Variants in SEMA3D observed in about 807,000 individuals in gnomAD.
The protein encoded by SEMA3D is semaphorin-3D.
In SEMA3D, 84 loss-of-function variants were observed where a neutral mutation model predicts 100.1. The ratio of observed to expected loss-of-function variants is 0.84; its 90% CI spans 0.70 to 1.01. The LOEUF (loss-of-function observed/expected upper bound fraction) is 1.01. Ranked by LOEUF, SEMA3D falls within the 50% of genes least tolerant of loss-of-function variation. The pLI is 0.00. For missense variants in SEMA3D, 875 were observed against 934.1 expected (o/e 0.94, Z 0.82); for synonymous variants, 312 against 320.7 (o/e 0.97, Z 0.29).
the SEMA3D span, among the ~76,000 whole-genome samples, chr7:85,192,583 G>A: frequency 2.0e-5 from 3 of 152,018 alleles, no homozygotes; most frequent in South Asian, 2.1e-4. Context: ...CCAATTTAAC[G>A]TCGGAGCTAC....
At chr7:85,247,829 C>G in the SEMA3D span, among the ~76,000 whole-genome samples, 1 of 152,084 alleles carries the variant, frequency 6.6e-6, no homozygotes, top group African/African-American at 2.4e-5. Context: ...TATGCAAGAA[C>G]AGCTGGATAT....
intron 3 of SEMA3D, among the ~76,000 whole-genome samples, chr7:85,113,189 C>A (rs1789139544): frequency 6.6e-6 from 1 of 152,050 alleles, no homozygotes. Flanking sequence ...TATGAGAAGC[C>A]CAATTTGTAG....
chr7:85,127,908 T>C (rs2116423435), intron 2 of SEMA3D, among the ~76,000 whole-genome samples: 1 of 152,180 alleles, frequency 6.6e-6, no homozygotes, highest in East Asian at 1.9e-4. Context: ...TAATATGCTT[T>C]TGGATAATTG....
the SEMA3D span, among the ~76,000 whole-genome samples, chr7:85,203,042 G>A: frequency 6.6e-6 from 1 of 152,144 alleles, no homozygotes; most frequent in Non-Finnish European, 1.5e-5. Flanking sequence ...ACAGAATTAC[G>A]TGCCTGCAAA....
intron 7 of SEMA3D, among the ~76,000 whole-genome samples, chr7:85,066,820 G>A (rs1292258296): frequency 6.6e-6 from 1 of 151,346 alleles, no homozygotes; most frequent in African/African-American, 2.4e-5. Context: ...ATCTAAATAA[G>A]CTTTCAATGA....
In SEMA3D at chr7:85,012,861, T is replaced by G; in HGVS notation, c.1704-15A>C. On this transcript the variant is annotated splice_polypyrimidine_tract_variant and intron_variant, in intron 16 of 18. Coordinates refer to ENST00000284136, the MANE Select transcript of SEMA3D (RefSeq NM_001384900.1). ...GTCTAGCTCTCCTGCGGAAAGGGGATTAAACTTATTAGAACTTCAAGCATG... is the reference window on the plus strand; with the variant it reads ...GTCTAGCTCTCCTGCGGAAAGGGGAGTAAACTTATTAGAACTTCAAGCATG... The G allele has an allele frequency of 6.2e-7, 1 of 1,603,830 alleles. No individual in the cohort carries two copies. The highest frequency in any genetic ancestry group is 8.5e-7 in the Non-Finnish European group (1 of 1,171,768).
At chr7:85,158,740 C>G (rs570997272) in intron 1 of SEMA3D, among the ~76,000 whole-genome samples, 1 of 152,180 alleles carries the variant, frequency 6.6e-6, no homozygotes, top group East Asian at 1.9e-4. Context: ...ACGGAACCTG[C>G]CCACATGTGA....
At position 85,012,906 on chromosome 7, in the gene SEMA3D, G is replaced by T. The variant is rs1244977113; in HGVS notation, c.1704-60C>A. On this transcript the variant is annotated intron_variant, in intron 16 of 18. Coordinates refer to ENST00000284136, the MANE Select transcript of SEMA3D (RefSeq NM_001384900.1). ...AGCATGATTACCATCATATAGAAAG[G>T]CTACATCTAATACTAATAACAGTGG... 6.8e-6 allele frequency: 9 copies of T among 1,322,542 alleles called. No individual in the cohort carries two copies. The South Asian group carries it at 9.4e-5, about 14-fold the overall frequency. 81.9% of individuals were successfully genotyped at this position (1,322,542 alleles called of 1,614,324 possible). A position where few individuals can be genotyped will look rare whatever the true frequency, so the allele number is the denominator to read the frequency against.
At chr7:85,083,150 G>T (rs904611930) in intron 4 of SEMA3D, among the ~76,000 whole-genome samples, 11 of 152,116 alleles carry the variant, frequency 7.2e-5, no homozygotes, top group African/African-American at 2.2e-4. Context: ...AAAATAAAAT[G>T]GTTACATTTC....
intron 1 of SEMA3D, among the ~76,000 whole-genome samples, chr7:85,167,939 A>T (rs902100060): frequency 6.6e-6 from 1 of 151,854 alleles, no homozygotes; most frequent in Non-Finnish European, 1.5e-5. Flanking sequence ...GAAAATGGTA[A>T]TACTTTAGAT....
intron 8 of SEMA3D, among the ~76,000 whole-genome samples, chr7:85,060,127 C>G (rs1213133856): frequency 6.6e-6 from 1 of 152,142 alleles, no homozygotes; most frequent in Admixed American, 6.5e-5. Flanking sequence ...TTATTGAACT[C>G]TCTCTTAAAT....
At chr7:85,077,793 G>A (rs1315092625) in intron 5 of SEMA3D, among the ~76,000 whole-genome samples, 1 of 151,946 alleles carries the variant, frequency 6.6e-6, no homozygotes, top group East Asian at 1.9e-4. Flanking sequence ...CTTTCTGGAG[G>A]GCAATTTGGC....
At chr7:85,222,945 C>T in the SEMA3D span, among the ~76,000 whole-genome samples, 11 of 151,950 alleles carry the variant, frequency 7.2e-5, no homozygotes, top group African/African-American at 2.2e-4. Context: ...GGAAAACAAA[C>T]GAATTGGTAA....
intron 1 of SEMA3D, among the ~76,000 whole-genome samples, chr7:85,156,743 T>G (rs964110183): frequency 6.6e-6 from 1 of 152,140 alleles, no homozygotes; most frequent in African/African-American, 2.4e-5. Flanking sequence ...AAAAGTAATC[T>G]TTTAAACAGG....
intron 1 of SEMA3D, among the ~76,000 whole-genome samples, chr7:85,164,025 C>A (rs1002935881): frequency 6.6e-6 from 1 of 152,126 alleles, no homozygotes; most frequent in Admixed American, 6.6e-5. Flanking sequence ...AAACTCTACA[C>A]ATCTTATTTC....
chr7:85,145,543 A>G (rs1790176890), intron 2 of SEMA3D, among the ~76,000 whole-genome samples: 1 of 152,066 alleles, frequency 6.6e-6, no homozygotes, highest in African/African-American at 2.4e-5. Flanking sequence ...CATAGATAAG[A>G]ACTCCCATTA....
At chr7:85,204,837 C>A in the SEMA3D span, among the ~76,000 whole-genome samples, 1 of 151,936 alleles carries the variant, frequency 6.6e-6, no homozygotes. Context: ...GTAAGAACTC[C>A]AACACACCAT....
intron 12 of SEMA3D, among the ~76,000 whole-genome samples, chr7:85,030,850 C>A (rs1036357223): frequency 1.3e-5 from 2 of 151,994 alleles, no homozygotes; most frequent in African/African-American, 4.8e-5. Flanking sequence ...GTTTCTATAT[C>A]TGACCTGTAT....
chr7:85,039,097 G>A (rs2115970426), intron 11 of SEMA3D, among the ~76,000 whole-genome samples: 1 of 152,242 alleles, frequency 6.6e-6, no homozygotes, highest in Non-Finnish European at 1.5e-5. Flanking sequence ...AAGTTTGAGA[G>A]CAGAGCTGTG....
Sources: gnomAD v4.1 joint callset for allele counts (sites outside exome capture counted in the v4.1 genomes callset) on GRCh38, gnomAD v4.1.1 for gene constraint, MANE v1.5 for transcripts, NCBI Gene and HGNC (gene_info 2026-07-23, HGNC 2026-07-21) for gene names.